SH3RF1: variants seen among roughly 807,000 people sequenced by gnomAD.
SH3RF1 encodes the protein SH3 domain containing ring finger 1.
A neutral mutation model predicts 74.0 loss-of-function variants in SH3RF1; 32 were observed. That is an observed-to-expected ratio of 0.43 (90% confidence interval 0.33 to 0.58). The LOEUF (loss-of-function observed/expected upper bound fraction) is 0.58. Among genes scored for constraint, SH3RF1 ranks in the 20% least tolerant of loss-of-function variants. The pLI is 0.05. For synonymous variants in SH3RF1, 396 were observed against 439.6 expected, an observed-to-expected ratio of 0.90 and a Z score of 1.24; for missense variants, 954 against 1,130.9, an observed-to-expected ratio of 0.84 and a Z score of 2.24.
At chr4:169,159,492 C>T (rs1277929765) in intron 2 of SH3RF1, among the ~76,000 whole-genome samples, 1 of 152,198 alleles carries the variant, frequency 6.6e-6, no homozygotes, top group Non-Finnish European at 1.5e-5. Context: ...GCTGGAAGCA[C>T]AAACTCCAGA....
chr4:169,154,058 T>C (rs1201546396), intron 4 of SH3RF1, among the ~76,000 whole-genome samples: 1 of 152,228 alleles, frequency 6.6e-6, no homozygotes, highest in Non-Finnish European at 1.5e-5. Flanking sequence ...CTTTCATTAC[T>C]AATCCTGTGC....
chr4:169,231,089 A>T (rs901702778), intron 2 of SH3RF1, among the ~76,000 whole-genome samples: 2 of 152,176 alleles, frequency 1.3e-5, no homozygotes, highest in Admixed American at 1.3e-4. Flanking sequence ...CTGTAAATAG[A>T]AGGTGGTCGT....
At chr4:169,231,666 G>A (rs575205580) in intron 2 of SH3RF1, among the ~76,000 whole-genome samples, 5 of 152,142 alleles carry the variant, frequency 3.3e-5, no homozygotes, top group Admixed American at 3.3e-4. Flanking sequence ...GCTCAAAGCT[G>A]CTATAGAATA....
chr4:169,112,086 G>C (rs184741423), intron 10 of SH3RF1, among the ~76,000 whole-genome samples: 6 of 152,240 alleles, frequency 3.9e-5, no homozygotes, highest in African/African-American at 9.6e-5. Flanking sequence ...GAAAAGGAGG[G>C]GGCAATAGAC....
intron 9 of SH3RF1, among the ~76,000 whole-genome samples, chr4:169,117,101 G>C (rs551559657): frequency 6.6e-6 from 1 of 152,138 alleles, no homozygotes; most frequent in Non-Finnish European, 1.5e-5. Context: ...AAGGTTTTCA[G>C]TGCTACAGAA....
intron 4 of SH3RF1, among the ~76,000 whole-genome samples, chr4:169,155,259 GC>G (rs1216582175): frequency 6.6e-6 from 1 of 152,198 alleles, no homozygotes; most frequent in East Asian, 1.9e-4. Flanking sequence ...ACACAGGAAT[GC>G]TTTTAGCAGG....
rs563551283 is a variant in SH3RF1 at position 169,113,127 on chromosome 4, CT to C, written c.2139+3141del. On this transcript the variant is annotated intron_variant, in intron 10 of 11. Transcript: ENST00000284637. ...CCCAGTTTTCTTTTTTTTTTCCCCC[CT>C]GAGACAGAGTCTCACTCTGTTGCCC... Among the ~76,000 whole-genome samples the C allele has an allele frequency of 2.3e-3, 349 of 151,872 alleles. 1 individual carries two copies. Among genetic ancestry groups the C allele is most frequent in the Non-Finnish European group, 4.2e-3 (285 of 67,948 alleles).
At chr4:169,110,082 T>C (rs1229191909) in intron 10 of SH3RF1, among the ~76,000 whole-genome samples, 1 of 122,104 alleles carries the variant, frequency 8.2e-6, no homozygotes, top group Non-Finnish European at 1.7e-5. Context: ...ACAAAGAAAA[T>C]GAACGTTAGA....
In SH3RF1 at chr4:169,096,319, A is replaced by G. The variant is rs1732928373; in HGVS notation, c.*200T>C. Reference sequence around the variant, plus strand: ...GTACAAGGCACACCTTATACATCCGAATCCAGACTAACAAAACCCACACAA... The same window carrying G: ...GTACAAGGCACACCTTATACATCCGGATCCAGACTAACAAAACCCACACAA... On this transcript the variant is annotated 3_prime_UTR_variant, in exon 12 of 12. Transcript: ENST00000284637. 1.7e-6 allele frequency: 1 copy of G among 586,362 alleles called. No individual in the cohort carries two copies. The highest frequency in any genetic ancestry group is 2.9e-5 in the East Asian group (1 of 34,856). The allele number at this position is 586,362 out of a possible 1,614,324, so 36.3% of individuals were successfully genotyped here.
intron 2 of SH3RF1, among the ~76,000 whole-genome samples, chr4:169,212,603 C>T (rs1180996578): frequency 6.6e-6 from 1 of 152,058 alleles, no homozygotes; most frequent in Non-Finnish European, 1.5e-5. Context: ...CAGAGAGTTC[C>T]CATATACTCC....
intron 10 of SH3RF1, among the ~76,000 whole-genome samples, chr4:169,111,344 T>G (rs1733242643): frequency 6.7e-6 from 1 of 148,654 alleles, no homozygotes; most frequent in Non-Finnish European, 1.5e-5. Context: ...AGCCTTGACC[T>G]CCTGGGCTCA....
intron 2 of SH3RF1, among the ~76,000 whole-genome samples, chr4:169,218,703 G>T (rs1463985215): frequency 6.6e-6 from 1 of 151,688 alleles, no homozygotes; most frequent in Non-Finnish European, 1.5e-5. Context: ...AATTAGAGCA[G>T]CATTACTGCC....
chr4:169,220,611 C>T (rs562903043), intron 2 of SH3RF1, among the ~76,000 whole-genome samples: 3 of 152,250 alleles, frequency 2.0e-5, no homozygotes, highest in Non-Finnish European at 4.4e-5. Flanking sequence ...TCCTGCCCCA[C>T]TTCCAGCAGT....
chr4:169,172,388 T>C (rs1217728477), intron 2 of SH3RF1, among the ~76,000 whole-genome samples: 1 of 152,256 alleles, frequency 6.6e-6, no homozygotes, highest in Non-Finnish European at 1.5e-5. Context: ...GAAAATATCT[T>C]CGTTTTACTT....
chr4:169,178,368 A>AACTATGCTTATTTAAAAAAAAAAGCAAC (rs1554007367), intron 2 of SH3RF1, among the ~76,000 whole-genome samples: 1 of 151,166 alleles, frequency 6.6e-6, no homozygotes, highest in African/African-American at 2.4e-5. Context: ...AAAAATAAGC[A>AACTATGCTTATTTAAAAAAAAAAGCAAC]TTGTTATGTT....
At chr4:169,257,154 A>C (rs1216910734) in intron 2 of SH3RF1, among the ~76,000 whole-genome samples, 2 of 152,190 alleles carry the variant, frequency 1.3e-5, no homozygotes, top group Non-Finnish European at 2.9e-5. Flanking sequence ...TCTGCCTGAT[A>C]ATAAATCTCC....
chr4:169,186,516 A>C (rs968777261), intron 2 of SH3RF1, among the ~76,000 whole-genome samples: 1 of 151,988 alleles, frequency 6.6e-6, no homozygotes, highest in Non-Finnish European at 1.5e-5. Context: ...AAATAGAATT[A>C]CACTATTATA....
chr4:169,252,867 A>T (rs1197197875), intron 2 of SH3RF1, among the ~76,000 whole-genome samples: 1 of 152,198 alleles, frequency 6.6e-6, no homozygotes, highest in Non-Finnish European at 1.5e-5. Flanking sequence ...AACAGGCAGG[A>T]TGGGTGGATT....
At chr4:169,257,247 T>G (rs1162056531) in intron 2 of SH3RF1, among the ~76,000 whole-genome samples, 1 of 152,188 alleles carries the variant, frequency 6.6e-6, no homozygotes, top group Non-Finnish European at 1.5e-5. Context: ...AAGAAATTAA[T>G]TCCTCTGCAT....
Sources: allele counts gnomAD v4.1 joint callset (sites outside exome capture counted in the v4.1 genomes callset), GRCh38; gene constraint gnomAD v4.1.1; transcripts MANE v1.5; gene names NCBI Gene and HGNC (gene_info 2026-07-23, HGNC 2026-07-21).